Variants in RB1CC1 observed in about 807,000 individuals in gnomAD.
RB1CC1 encodes the protein RB1-inducible coiled-coil protein 1.
A neutral mutation model predicts 177.5 loss-of-function variants in RB1CC1; 46 were observed. The observed-to-expected ratio is 0.26, with a 90% CI of 0.20 to 0.33. The LOEUF is 0.33. Among genes scored for constraint, RB1CC1 ranks in the 10% least tolerant of loss-of-function variants. The pLI, the probability that RB1CC1 is intolerant of heterozygous loss-of-function variation, is 1.00. For missense variants in RB1CC1, 1,703 were observed against 1,816.3 expected, an observed-to-expected ratio of 0.94 and a Z score of 1.13; for synonymous variants, 666 against 613.6, an observed-to-expected ratio of 1.09 and a Z score of -1.26.
chr8:52,641,366 A>G (rs1028639533), intron 18 of RB1CC1, among the ~76,000 whole-genome samples: 9 of 146,154 alleles, frequency 6.2e-5, no homozygotes, highest in Non-Finnish European at 1.3e-4. Context: ...CCTGGGGGAT[A>G]AGAGTGAGAC....
At chr8:52,702,638 C>T (rs1405620566) in intron 1 of RB1CC1, among the ~76,000 whole-genome samples, 3 of 152,128 alleles carry the variant, frequency 2.0e-5, no homozygotes, top group Non-Finnish European at 1.5e-5. Context: ...ATCACTCGCA[C>T]CCGGCAGGTG....
At chr8:52,663,522 G>A (rs544089742) in intron 8 of RB1CC1, among the ~76,000 whole-genome samples, 1 of 151,982 alleles carries the variant, frequency 6.6e-6, no homozygotes, top group South Asian at 2.1e-4. Context: ...CTTTTAATTG[G>A]GAGTGGTTTT....
chr8:52,666,355 C>T (rs1035843087), intron 8 of RB1CC1, among the ~76,000 whole-genome samples: 7 of 151,944 alleles, frequency 4.6e-5, no homozygotes, highest in Non-Finnish European at 8.8e-5. Context: ...CCTGTCTCCA[C>T]TAAAAATACA....
intron 1 of RB1CC1, among the ~76,000 whole-genome samples, chr8:52,697,329 A>G: frequency 6.6e-6 from 1 of 152,000 alleles, no homozygotes. Context: ...CTTTTTATAA[A>G]CTAAAAAAGA....
chr8:52,661,403 T>C (rs890914191), intron 9 of RB1CC1, 122 bp from the exon 10 acceptor site: 31 of 1,460,246 alleles, frequency 2.1e-5, no homozygotes, highest in Non-Finnish European at 2.5e-5. Flanking sequence ...TCTACAAAAA[T>C]AGTCTAATTC....
At chr8:52,667,854 A>G (rs1852208121) in intron 8 of RB1CC1, among the ~76,000 whole-genome samples, 167 bp downstream of exon 8, 1 of 152,238 alleles carries the variant, frequency 6.6e-6, no homozygotes, top group South Asian at 2.1e-4. Context: ...AAACTCAATC[A>G]TTAAGAACAT....
chr8:52,663,686 G>C (rs1851821099), intron 8 of RB1CC1, among the ~76,000 whole-genome samples: 2 of 152,064 alleles, frequency 1.3e-5, no homozygotes, highest in Admixed American at 1.3e-4. Context: ...ATCTGCAACA[G>C]GGAAATACCA....
Position 52,673,913 on chromosome 8 carries a change from T to TAA in RB1CC1, c.933_934insTT (p.Ile312LeufsTer2), listed in dbSNP as rs1852831063. 6.2e-7 allele frequency: 1 copy of TAA among 1,614,046 alleles called. No homozygotes were observed. On this transcript the variant is annotated frameshift_variant, in exon 7 of 24. Coordinates refer to ENST00000025008, the MANE Select transcript of RB1CC1 (RefSeq NM_014781.5). LOFTEE classifies it high-confidence loss of function. ...TCATTAGGTCTATCTTGAACATTTA[T>TAA]CCAGTCTAACAAAGAGACATTAAAA...
chr8:52,669,594 T>C (rs1280350854), intron 7 of RB1CC1, among the ~76,000 whole-genome samples: 2 of 152,226 alleles, frequency 1.3e-5, no homozygotes, highest in African/African-American at 2.4e-5. Context: ...TATTTCAGAA[T>C]AGGCACCACT....
chr8:52,681,372 T>C (rs1048479871), intron 5 of RB1CC1, among the ~76,000 whole-genome samples: 1 of 152,174 alleles, frequency 6.6e-6, no homozygotes, highest in African/African-American at 2.4e-5. Context: ...TTTTTCAGTA[T>C]ATCTCAATAA....
chr8:52,665,834 A>G (rs1852020825), intron 8 of RB1CC1, among the ~76,000 whole-genome samples: 1 of 152,314 alleles, frequency 6.6e-6, no homozygotes, highest in South Asian at 2.1e-4. Context: ...CTTGAAGAGG[A>G]GTCCAAAATT....
Position 52,683,887 on chromosome 8 carries a change from C to T in RB1CC1, c.198G>A (p.Thr66=), listed in dbSNP as rs1208231879. The T allele has an allele frequency of 2.5e-6, 4 of 1,612,272 alleles. No individual in the cohort carries two copies. Among genetic ancestry groups the T allele is most frequent in the East Asian group, 4.5e-5 (2 of 44,870 alleles). Residue 66 remains threonine (T), a splice_region_variant and synonymous_variant, in exon 4 of 24, where the codon ACG becomes ACA. Transcript: ENST00000025008. ...TGTGAAAGGACTCTTGAATACCTAC[C>T]GTCCCAGCACTGTAGGTACACACTC... is the stretch of plus-strand genomic sequence containing the variant. ...DRRVCTYSAG[T]DTNPIFLFNK...
intron 12 of RB1CC1, among the ~76,000 whole-genome samples, chr8:52,659,364 C>T (rs1397860137): frequency 6.6e-6 from 1 of 152,068 alleles, no homozygotes; most frequent in East Asian, 1.9e-4. Context: ...AAAATGCACA[C>T]ATGTATTTTT....
chr8:52,673,495 G>C (rs542912969), intron 7 of RB1CC1, among the ~76,000 whole-genome samples: 12 of 152,164 alleles, frequency 7.9e-5, no homozygotes, highest in Non-Finnish European at 1.3e-4. Flanking sequence ...ATAGTGACTG[G>C]AAAGAGTCAC....
At chr8:52,666,529 A>AGAAAG (rs35357917) in intron 8 of RB1CC1, among the ~76,000 whole-genome samples, 6 of 149,610 alleles carry the variant, frequency 4.0e-5, no homozygotes, top group Non-Finnish European at 3.0e-5. Flanking sequence ...AAAAAAAAAA[A>AGAAAG]AAAGAAAGAA....
At position 52,656,325 on chromosome 8, in the gene RB1CC1, T is replaced by C. The variant is rs1338869538; in HGVS notation, c.3504A>G (p.Ile1168Met). 2.5e-6 allele frequency: 4 copies of C among 1,612,990 alleles called. No individual in the cohort carries two copies. The highest frequency in any genetic ancestry group is 3.4e-6 in the Non-Finnish European group (4 of 1,179,744). The part of the protein sequence containing the change: ...VTSLHNQAFE[I>M]EKNLKEQIIE... ...TTATTTGTTCTTTTAGGTTTTTTTC[T>C]ATTTCAAATGCTTGGTTATGCAAAG... The change falls in exon 15 of 24, where the codon ATA becomes ATG. Residue 1168 changes from isoleucine (I) to methionine (M), a missense_variant. By Grantham distance (10) the Ile-to-Met change is conservative. Around this residue, in one of 6 missense-constraint regions of RB1CC1, gnomAD observed 1,169 missense variants for 1,184.7 expected, o/e 0.99. Transcript: ENST00000025008.
chr8:52,665,790 G>A (rs993945948), intron 8 of RB1CC1, among the ~76,000 whole-genome samples: 1 of 152,110 alleles, frequency 6.6e-6, no homozygotes, highest in Non-Finnish European at 1.5e-5. Flanking sequence ...TAGGTGACTA[G>A]GAATGCCATT....
At chr8:52,675,125 C>T in intron 6 of RB1CC1, among the ~76,000 whole-genome samples, 1 of 151,922 alleles carries the variant, frequency 6.6e-6, no homozygotes, top group East Asian at 1.9e-4. Flanking sequence ...CTAACAGAAC[C>T]CTTAGAAAGT....
intron 12 of RB1CC1, among the ~76,000 whole-genome samples, chr8:52,659,815 G>A (rs566129617): frequency 1.1e-4 from 16 of 152,258 alleles, no homozygotes; most frequent in East Asian, 1.9e-4. Context: ...TGGCCAACAC[G>A]GTGAAACCCC....
Sources: gnomAD v4.1 joint callset for allele counts (sites outside exome capture counted in the v4.1 genomes callset) on GRCh38, gnomAD v4.1.1 for gene constraint, gnomAD v4.1.1 regional missense constraint, MANE v1.5 for transcripts, NCBI Gene and HGNC (gene_info 2026-07-23, HGNC 2026-07-21) for gene names.